GATAD2B: variants seen among roughly 807,000 people sequenced by gnomAD.
GATAD2B encodes the protein transcriptional repressor p66-beta.
A neutral mutation model predicts 64.3 loss-of-function variants in GATAD2B; 8 were observed. That is an observed-to-expected ratio of 0.12 (90% CI 0.07 to 0.22). The LOEUF is 0.22. GATAD2B is among the 10% of genes least tolerant of loss of function. GATAD2B has a pLI of 1.00. For missense variants in GATAD2B, 453 were observed against 752.0 expected, an observed-to-expected ratio of 0.60 and a Z score of 4.65; for synonymous variants, 281 against 271.3, an observed-to-expected ratio of 1.04 and a Z score of -0.35.
chr1:153,908,482 C>CTT (rs35572683), intron 1 of GATAD2B, among the ~76,000 whole-genome samples: 1 of 146,664 alleles, frequency 6.8e-6, no homozygotes, highest in Non-Finnish European at 1.5e-5. Flanking sequence ...CAGAAACATA[C>CTT]TTTTTTTTTT....
intron 1 of GATAD2B, among the ~76,000 whole-genome samples, chr1:153,839,108 C>CAAAAAAAAAAAAAAAAAAAAAAAAAAA (rs35262137): frequency 1.4e-4 from 11 of 78,564 alleles, no homozygotes; most frequent in South Asian, 5.1e-4. Flanking sequence ...GACCCTGTCT[C>CAAAAAAAAAAAAAAAAAAAAAAAAAAA]AAAAAAAAAA....
chr1:153,902,504 G>A lies in GATAD2B; in HGVS notation c.-2+20229C>T, dbSNP rs116185772. On this transcript the variant is annotated intron_variant, in intron 1 of 10. Coordinates refer to ENST00000368655, the MANE Select transcript of GATAD2B (RefSeq NM_020699.4). ...GGTCTCACTCTTGTCACCCAGGCTC[G>A]AGTGAAGTGGCTCAAACATGCCTCA... Among the ~76,000 whole-genome samples, 328 of 151,992 alleles carry A rather than the reference G, an allele frequency of 2.2e-3. 1 individual carries two copies. Among genetic ancestry groups the A allele is most frequent in the Non-Finnish European group, 3.7e-3 (249 of 67,958 alleles).
intron 1 of GATAD2B, among the ~76,000 whole-genome samples, chr1:153,835,400 G>A (rs1470912111): frequency 6.6e-6 from 1 of 152,002 alleles, no homozygotes; most frequent in Non-Finnish European, 1.5e-5. Context: ...GTCAATCCAT[G>A]TGGCAAACTT....
At chr1:153,915,487 ACTCT>A (rs1678234029) in intron 1 of GATAD2B, among the ~76,000 whole-genome samples, 1 of 151,994 alleles carries the variant, frequency 6.6e-6, no homozygotes, top group Non-Finnish European at 1.5e-5. Flanking sequence ...AATGTATCTA[ACTCT>A]CTTTGGGCAA....
intron 4 of GATAD2B, 68 bp downstream of exon 4, chr1:153,818,723 G>A (rs990925099): frequency 1.1e-5 from 16 of 1,463,870 alleles, no homozygotes; most frequent in South Asian, 3.6e-5. Context: ...GAACCTACCT[G>A]GGGGAACCTA....
At chr1:153,825,756 G>T (rs919960172) in intron 2 of GATAD2B, among the ~76,000 whole-genome samples, 1 of 152,102 alleles carries the variant, frequency 6.6e-6, no homozygotes, top group Non-Finnish European at 1.5e-5. Context: ...AATAATGTTT[G>T]CTTATGGAGC....
At chr1:153,895,993 T>TAAA (rs376526598) in intron 1 of GATAD2B, among the ~76,000 whole-genome samples, 23 of 128,596 alleles carry the variant, frequency 1.8e-4, no homozygotes, top group South Asian at 5.2e-4. Context: ...GACTCTGTCT[T>TAAA]AAAAAAAAAA....
intron 2 of GATAD2B, among the ~76,000 whole-genome samples, chr1:153,824,353 G>C (rs1674793169): frequency 6.6e-6 from 1 of 152,164 alleles, no homozygotes; most frequent in Admixed American, 6.5e-5. Context: ...GGTTTGGCTA[G>C]GTGTGGTGGC....
At chr1:153,820,433 A>G (rs1302162463) in intron 2 of GATAD2B, among the ~76,000 whole-genome samples, 1 of 152,176 alleles carries the variant, frequency 6.6e-6, no homozygotes, top group Non-Finnish European at 1.5e-5. Flanking sequence ...TTTGTGTAAG[A>G]TGATAAAAAA....
chr1:153,839,897 C>G (rs1424436402), intron 1 of GATAD2B, among the ~76,000 whole-genome samples: 1 of 151,954 alleles, frequency 6.6e-6, no homozygotes, highest in Admixed American at 6.6e-5. Context: ...TCACTTGAAC[C>G]TGGGAGGCAG....
intron 1 of GATAD2B, among the ~76,000 whole-genome samples, chr1:153,856,044 C>T (rs1676074451): frequency 6.6e-6 from 1 of 152,194 alleles, no homozygotes; most frequent in African/African-American, 2.4e-5. Flanking sequence ...TTCCCTGCTA[C>T]AGACAATCTA....
chr1:153,826,541 G>C (rs1674884397), intron 2 of GATAD2B, among the ~76,000 whole-genome samples: 1 of 152,112 alleles, frequency 6.6e-6, no homozygotes, highest in East Asian at 1.9e-4. Context: ...AGAGGCAAGA[G>C]AATCACTTGA....
chr1:153,848,937 C>T (rs188542819), intron 1 of GATAD2B, among the ~76,000 whole-genome samples: 89 of 151,696 alleles, frequency 5.9e-4, no homozygotes, highest in African/African-American at 2.0e-3. Flanking sequence ...TGGGCAACAG[C>T]GAGACTCATC....
intron 1 of GATAD2B, among the ~76,000 whole-genome samples, chr1:153,848,020 G>C (rs557699128): frequency 3.3e-5 from 5 of 152,262 alleles, no homozygotes; most frequent in Non-Finnish European, 5.9e-5. Context: ...GATTTAATCA[G>C]TCTGCCATTG....
intron 1 of GATAD2B, among the ~76,000 whole-genome samples, chr1:153,833,698 T>A (rs1675155093): frequency 1.4e-5 from 2 of 147,844 alleles, no homozygotes; most frequent in Non-Finnish European, 3.0e-5. Context: ...TAATCCCAGC[T>A]ACATGGGAGG....
chr1:153,838,248 C>T (rs893237163), intron 1 of GATAD2B, among the ~76,000 whole-genome samples: 3 of 152,160 alleles, frequency 2.0e-5, no homozygotes, highest in African/African-American at 7.2e-5. Flanking sequence ...CCATCCACCC[C>T]ACAAATATTA....
At chr1:153,853,393 T>C (rs1675974567) in intron 1 of GATAD2B, 3 of 677,674 alleles carry the variant, frequency 4.4e-6, no homozygotes, top group African/African-American at 1.8e-5. Context: ...CAGTTGTGGA[T>C]CAACTGCAAC....
chr1:153,819,030 A>C, intron 3 of GATAD2B, 108 bp from the exon 4 acceptor site: 1 of 1,123,962 alleles, frequency 8.9e-7, no homozygotes, highest in Non-Finnish European at 1.3e-6. Context: ...TTCCACAAGA[A>C]GCAGAAGTGG....
chr1:153,919,994 C>CAAG (rs1181805970), intron 1 of GATAD2B, among the ~76,000 whole-genome samples: 6 of 152,168 alleles, frequency 3.9e-5, no homozygotes, highest in Non-Finnish European at 7.3e-5. Context: ...CTCAATGAGC[C>CAAG]AAGCAACATG....
Sources: allele counts gnomAD v4.1 joint callset (sites outside exome capture counted in the v4.1 genomes callset), GRCh38; gene constraint gnomAD v4.1.1; transcripts MANE v1.5; gene names NCBI Gene and HGNC (gene_info 2026-07-23, HGNC 2026-07-21).